Variants in TRPC5 observed in about 807,000 individuals in gnomAD.
The protein encoded by TRPC5 is transient receptor potential cation channel subfamily C member 5.
In TRPC5, 9 loss-of-function variants were observed where a neutral mutation model predicts 56.5. That is an observed-to-expected ratio of 0.16 (90% CI 0.10 to 0.28). The LOEUF is 0.28. Ranked by LOEUF, TRPC5 falls within the 10% of genes least tolerant of loss-of-function variation. The probability of loss-of-function intolerance (pLI) is 1.00; values close to 1 mark genes in which losing one functional copy is unlikely to be tolerated. For synonymous variants in TRPC5, 282 were observed against 278.5 expected (o/e 1.01, Z -0.13); for missense variants, 469 against 748.9 (o/e 0.63, Z 4.36).
chrX:112,009,617 T>C (rs1195560457), intron 1 of TRPC5, among the ~76,000 whole-genome samples: 1 of 111,915 alleles, frequency 8.9e-6, no homozygotes, highest in African/African-American at 3.2e-5. Flanking sequence ...GAGCACAGCA[T>C]GAACTCTGAC....
In TRPC5 at chrX:111,781,955, G is replaced by T; in HGVS notation, c.2080C>A (p.Arg694Ser). The T allele has an allele frequency of 8.4e-7, 1 of 1,190,711 alleles. No individual in the cohort carries two copies. Among genetic ancestry groups the T allele is most frequent in the Non-Finnish European group, 1.1e-6 (1 of 886,501 alleles). The change falls in exon 8 of 11, where the codon CGC (arginine) becomes AGC (serine). Residue 694 changes from arginine to serine, a missense_variant. Arg to Ser is a moderately radical substitution (Grantham distance 110). Coordinates refer to ENST00000262839, the MANE Select transcript of TRPC5 (RefSeq NM_012471.3). ...CTTACTGTGAAACTTCTCAAGTTGC[G>T]CCTTCTCCGTCTACCGTCAGGGTCT... ...KRDPDGRRRR[R>S]NLRSFTERNA...
intron 3 of TRPC5, among the ~76,000 whole-genome samples, chrX:111,860,289 C>T (rs747534020): frequency 3.4e-4 from 6 of 17,731 alleles, no homozygotes; most frequent in Non-Finnish European, 5.8e-4. Context: ...CAGGAGTATA[C>T]TTTACTTAGT....
intron 2 of TRPC5, among the ~76,000 whole-genome samples, chrX:111,941,416 A>G (rs1447565401): frequency 1.8e-5 from 2 of 112,265 alleles, no homozygotes; most frequent in African/African-American, 6.5e-5. Context: ...TTCTTCAGCT[A>G]TAATCAATAT....
chrX:111,779,119 C>T lies in TRPC5; in HGVS notation c.2143-45G>A, dbSNP rs772328759. 14 of 956,879 alleles carry T rather than the reference C, an allele frequency of 1.5e-5. No individual in the cohort carries two copies. In the South Asian group the frequency reaches 3.2e-4, roughly 22 times the overall value. The allele number at this position is 956,879 out of a possible 1,213,427, so 78.9% of individuals were successfully genotyped here. Reference sequence around the variant, plus strand: ...AGAAGCATTCAGTCTCCTTCTCAGGCTCTCAGTACAGTAAGAAACTTACAT... The same window carrying T: ...AGAAGCATTCAGTCTCCTTCTCAGGTTCTCAGTACAGTAAGAAACTTACAT... On this transcript the variant is annotated intron_variant, in intron 9 of 10. Transcript: ENST00000262839.
chrX:111,899,607 G>A (rs1161554686), intron 3 of TRPC5, among the ~76,000 whole-genome samples: 9 of 111,082 alleles, frequency 8.1e-5, no homozygotes, highest in African/African-American at 2.6e-4. Flanking sequence ...AGTTAAATAG[G>A]TTTTGTGTGA....
At chrX:111,881,678 C>A (rs1372750413) in intron 3 of TRPC5, among the ~76,000 whole-genome samples, 1 of 110,559 alleles carries the variant, frequency 9.0e-6, no homozygotes, top group East Asian at 2.8e-4. Context: ...TGCAAAGGGA[C>A]TATAAGCAGT....
intron 1 of TRPC5, among the ~76,000 whole-genome samples, chrX:112,028,094 G>A (rs1239363578): frequency 9.0e-6 from 1 of 111,213 alleles, no homozygotes; most frequent in Non-Finnish European, 1.9e-5. Context: ...CTTCTTGCTA[G>A]CAAAGTGGTG....
intron 7 of TRPC5, among the ~76,000 whole-genome samples, chrX:111,785,826 T>G (rs754028586): frequency 9.0e-6 from 1 of 110,506 alleles, no homozygotes; most frequent in South Asian, 3.9e-4. Flanking sequence ...TGATTGAAGA[T>G]CAAAGTAAGG....
chrX:111,842,039 C>CTCTATCTA (rs72289513), intron 6 of TRPC5, among the ~76,000 whole-genome samples: 4,032 of 89,861 alleles, frequency 0.045, 86 homozygotes, highest in East Asian at 0.067. Context: ...CTATCTATAG[C>CTCTATCTA]TCTATCTATC....
chrX:111,796,512 T>G (rs1447992877), intron 7 of TRPC5, among the ~76,000 whole-genome samples: 1 of 112,231 alleles, frequency 8.9e-6, no homozygotes, highest in East Asian at 2.8e-4. Flanking sequence ...TTTAGTGACT[T>G]TCTTTGACTA....
At chrX:111,786,383 C>G (rs1321477534) in intron 7 of TRPC5, among the ~76,000 whole-genome samples, 1 of 111,341 alleles carries the variant, frequency 9.0e-6, no homozygotes, top group Non-Finnish European at 1.9e-5. Context: ...TTTGTCACCA[C>G]CAGGCCTGCC....
rs1556566931 is a variant in TRPC5 at position 111,842,134 on chromosome X, A to AT, written c.1700+4979dup. On this transcript the variant is annotated intron_variant, in intron 6 of 10. Coordinates refer to ENST00000262839, the MANE Select transcript of TRPC5 (RefSeq NM_012471.3). ...ATATATATATTTTATATATATATGT[A>AT]TATATATATATATGTATATTTTAGA... Among the ~76,000 whole-genome samples, 83 of 83,022 alleles carry AT rather than the reference A, an allele frequency of 1.0e-3. 2 individuals are homozygous for AT. The highest frequency in any genetic ancestry group is 6.5e-3 in the African/African-American group (79 of 12,211). The allele number at this position is 83,022 out of a possible 115,157, so 72.1% of individuals were successfully genotyped here.
At chrX:111,890,573 A>G (rs1289387894) in intron 3 of TRPC5, among the ~76,000 whole-genome samples, 1 of 111,583 alleles carries the variant, frequency 9.0e-6, no homozygotes, top group Non-Finnish European at 1.9e-5. Flanking sequence ...CCAAGAGACA[A>G]ACATTGTGTT....
At chrX:111,778,193 G>A (rs1207588833) in intron 10 of TRPC5, among the ~76,000 whole-genome samples, 6 of 111,562 alleles carry the variant, frequency 5.4e-5, no homozygotes, top group Non-Finnish European at 1.1e-4. Flanking sequence ...AATACCTAAT[G>A]TAGATGATGG....
At chrX:111,917,524 G>A (rs776211121) in intron 2 of TRPC5, among the ~76,000 whole-genome samples, 3 of 112,440 alleles carry the variant, frequency 2.7e-5, no homozygotes, top group Non-Finnish European at 5.6e-5. Flanking sequence ...ACAGGAGCAG[G>A]TTTAAGGTTT....
Position 111,952,095 on chromosome X carries a change from A to G in TRPC5, c.326T>C (p.Val109Ala). Reference sequence around the variant, plus strand: ...GCTGAGCAGAAGCTCCACAGCGCCCACCACTTCCTTGCGTATGGCATAGAG... The same window carrying G: ...GCTGAGCAGAAGCTCCACAGCGCCCGCCACTTCCTTGCGTATGGCATAGAG... ...ALLYAIRKEV[V>A]GAVELLLSYR... Residue 109 changes from valine (V) to alanine (A), a missense_variant, in exon 2 of 11, where the codon GTG becomes GCG. By Grantham distance (64) the Val-to-Ala change is moderately conservative. Around this residue, in one of 3 missense-constraint regions of TRPC5, gnomAD observed 118 missense variants for 167.1 expected, o/e 0.71. Coordinates refer to ENST00000262839, the MANE Select transcript of TRPC5 (RefSeq NM_012471.3). The G allele has an allele frequency of 8.3e-7, 1 of 1,211,881 alleles. No individual in the cohort carries two copies. Among genetic ancestry groups the G allele is most frequent in the African/African-American group, 1.7e-5 (1 of 57,813 alleles).
intron 7 of TRPC5, among the ~76,000 whole-genome samples, chrX:111,784,417 C>A (rs1383397203): frequency 1.8e-5 from 2 of 112,065 alleles, no homozygotes; most frequent in Admixed American, 1.9e-4. Context: ...ACTTGTATCA[C>A]AATATATAAA....
chrX:111,940,494 T>A (rs1156676631), intron 2 of TRPC5, among the ~76,000 whole-genome samples: 1 of 110,241 alleles, frequency 9.1e-6, no homozygotes, highest in Non-Finnish European at 1.9e-5. Flanking sequence ...ATAGAGACCA[T>A]CCTGGCTAAC....
chrX:111,907,112 GAAAAAAA>G (rs746535996), intron 3 of TRPC5, among the ~76,000 whole-genome samples: 15 of 70,475 alleles, frequency 2.1e-4, no homozygotes, highest in South Asian at 7.1e-4. Flanking sequence ...AAGGTCATTT[GAAAAAAA>G]AAAAAAAAAG....
Sources: allele counts gnomAD v4.1 joint callset (sites outside exome capture counted in the v4.1 genomes callset), GRCh38; gene constraint gnomAD v4.1.1; regional missense constraint gnomAD v4.1.1; transcripts MANE v1.5; gene names NCBI Gene and HGNC (gene_info 2026-07-23, HGNC 2026-07-21).